FHL2: variants seen among roughly 807,000 people sequenced by gnomAD.
FHL2 encodes the protein four and a half LIM domains protein 2.
In FHL2, 20 loss-of-function variants were observed where a neutral mutation model predicts 32.7. That is an observed-to-expected ratio of 0.61 (90% confidence interval 0.43 to 0.89). The LOEUF (loss-of-function observed/expected upper bound fraction) is 0.89. Among genes scored for constraint, FHL2 ranks in the 40% least tolerant of loss-of-function variants. FHL2 has a pLI of 0.00. For synonymous variants in FHL2, 123 were observed against 128.1 expected (o/e 0.96, Z 0.27); for missense variants, 311 against 358.6 (o/e 0.87, Z 1.07).
At chr2:105,384,942 C>A (rs1448705521) in intron 3 of FHL2, among the ~76,000 whole-genome samples, 1 of 152,208 alleles carries the variant, frequency 6.6e-6, no homozygotes, top group African/African-American at 2.4e-5. Context: ...CATGCTTGTC[C>A]TGTTAAATAC....
rs568642064 is a variant in FHL2, at chr2:105,368,554, T to C, written c.332-815A>G. ...TAATTGCCTAAACCTACGCCATCCATTGTCTTTTGAATAACTATTAGCATT... is the reference window on the plus strand; with the variant it reads ...TAATTGCCTAAACCTACGCCATCCACTGTCTTTTGAATAACTATTAGCATT... On this transcript the variant is annotated intron_variant, in intron 4 of 6. Transcript: ENST00000530340. Among the ~76,000 whole-genome samples, 5 of 152,298 alleles carry C rather than the reference T, an allele frequency of 3.3e-5. No individual in the cohort carries two copies. In the East Asian group the frequency reaches 7.7e-4, roughly 24 times the overall value.
chr2:105,383,077 G>A (rs1352060221), intron 3 of FHL2, among the ~76,000 whole-genome samples: 3 of 152,154 alleles, frequency 2.0e-5, no homozygotes, highest in Admixed American at 6.5e-5. Context: ...GTAGAGACGG[G>A]GTTTCGCCAT....
chr2:105,363,135 A>G (rs111253201), intron 6 of FHL2, 150 bp downstream of exon 6: 10 of 674,080 alleles, frequency 1.5e-5, no homozygotes, highest in Non-Finnish European at 5.1e-6. Context: ...CACCAAGGAG[A>G]GGAAAGCAGA....
At chr2:105,410,751 C>T (rs1683764314) in intron 1 of FHL2, among the ~76,000 whole-genome samples, 1 of 152,080 alleles carries the variant, frequency 6.6e-6, no homozygotes, top group Non-Finnish European at 1.5e-5. Flanking sequence ...TGCTGGAGAC[C>T]TGAGGTGTCC....
intron 2 of FHL2, among the ~76,000 whole-genome samples, chr2:105,391,910 A>G (rs1201308541): frequency 6.6e-6 from 1 of 152,218 alleles, no homozygotes; most frequent in East Asian, 1.9e-4. Context: ...CATAAGGCGC[A>G]ACCCCTCCTT....
intron 2 of FHL2, among the ~76,000 whole-genome samples, chr2:105,392,287 A>G (rs1406819032): frequency 6.6e-6 from 1 of 152,202 alleles, no homozygotes; most frequent in Non-Finnish European, 1.5e-5. Flanking sequence ...AGCCTGGGCA[A>G]CATGGAGAAA....
intron 4 of FHL2, 47 bp downstream of exon 4, chr2:105,373,512 G>C: frequency 6.2e-7 from 1 of 1,607,582 alleles, no homozygotes; most frequent in Non-Finnish European, 8.5e-7. Flanking sequence ...CGTGCACAAG[G>C]CTTGAAGCTA....
intron 1 of FHL2, among the ~76,000 whole-genome samples, chr2:105,414,921 T>G (rs1683892269): frequency 6.6e-6 from 1 of 152,220 alleles, no homozygotes; most frequent in Admixed American, 6.5e-5. Flanking sequence ...TTTCACAATA[T>G]CACCAGCTTC....
intron 1 of FHL2, among the ~76,000 whole-genome samples, chr2:105,406,373 C>T (rs1435805343): frequency 6.6e-6 from 1 of 151,908 alleles, no homozygotes; most frequent in South Asian, 2.1e-4. Context: ...CATGGAGGGC[C>T]GGAGGGGTTC....
At position 105,360,950 on chromosome 2, in the gene FHL2, C is replaced by G. The variant is rs11537579; in HGVS notation, c.*333G>C. Reference sequence around the variant, plus strand: ...ATTGAGTTTAGAAAACTTTCAAGTTCGTGACATATGTTAATTGCACTTAAA... The same window carrying G: ...ATTGAGTTTAGAAAACTTTCAAGTTGGTGACATATGTTAATTGCACTTAAA... On this transcript the variant is annotated 3_prime_UTR_variant, in exon 7 of 7. Transcript: ENST00000530340. The G allele has an allele frequency of 5.3e-6, 1 of 189,184 alleles. No individual in the cohort carries two copies. Among genetic ancestry groups the G allele is most frequent in the Non-Finnish European group, 1.1e-5 (1 of 92,222 alleles). The allele number at this position is 189,184 out of a possible 1,614,324, so 11.7% of individuals were successfully genotyped here.
chr2:105,405,201 G>A (rs927241330), intron 1 of FHL2, among the ~76,000 whole-genome samples: 1 of 152,122 alleles, frequency 6.6e-6, no homozygotes, highest in Non-Finnish European at 1.5e-5. Context: ...TCACTTCTCT[G>A]CCTGCCTTCT....
At chr2:105,390,333 G>A (rs886155539) in intron 2 of FHL2, 2 of 152,536 alleles carry the variant, frequency 1.3e-5, no homozygotes, top group Admixed American at 6.5e-5. Flanking sequence ...CATGGTGAAT[G>A]TCATCATCAG....
chr2:105,397,773 A>G (rs1327696151), intron 1 of FHL2, among the ~76,000 whole-genome samples: 1 of 152,244 alleles, frequency 6.6e-6, no homozygotes, highest in Non-Finnish European at 1.5e-5. Context: ...AAAATTTTAT[A>G]TAAATGCACA....
At chr2:105,413,401 C>T (rs1683850563) in intron 1 of FHL2, among the ~76,000 whole-genome samples, 1 of 152,176 alleles carries the variant, frequency 6.6e-6, no homozygotes, top group Non-Finnish European at 1.5e-5. Context: ...CAGCACCGCT[C>T]CCTGGAGCTA....
intron 1 of FHL2, among the ~76,000 whole-genome samples, chr2:105,397,553 TGTGAGACGGTGAGCTAAA>T (rs368993409): frequency 0.011 from 1,751 of 152,286 alleles, 44 homozygotes; most frequent in African/African-American, 0.04. Flanking sequence ...TGTGGCTATT[TGTGAGACGGTGAGCTAAA>T]ATGAGACAGA....
At chr2:105,394,870 G>A (rs1683015197) in intron 2 of FHL2, among the ~76,000 whole-genome samples, 1 of 152,146 alleles carries the variant, frequency 6.6e-6, no homozygotes, top group South Asian at 2.1e-4. Flanking sequence ...ATCTCTGGTG[G>A]TTCTGCATGA....
At chr2:105,362,582 C>T (rs1339401257) in intron 6 of FHL2, among the ~76,000 whole-genome samples, 3 of 152,200 alleles carry the variant, frequency 2.0e-5, no homozygotes, top group Non-Finnish European at 4.4e-5. Flanking sequence ...TTGCAAATCC[C>T]ACATCATAAA....
upstream of FHL2, among the ~76,000 whole-genome samples, chr2:105,402,562 T>G (rs894624583): frequency 2.0e-5 from 3 of 152,114 alleles, no homozygotes; most frequent in South Asian, 6.2e-4. Context: ...TAAATATATT[T>G]TAAAAATAAA....
chr2:105,431,371 C>T (rs899686322), intron 1 of FHL2, among the ~76,000 whole-genome samples: 1 of 152,050 alleles, frequency 6.6e-6, no homozygotes, highest in Non-Finnish European at 1.5e-5. Flanking sequence ...GCAAGTGAAC[C>T]AGGGTAAGGA....
Sources: allele counts gnomAD v4.1 joint callset (sites outside exome capture counted in the v4.1 genomes callset), GRCh38; gene constraint gnomAD v4.1.1; transcripts MANE v1.5; gene names NCBI Gene and HGNC (gene_info 2026-07-23, HGNC 2026-07-21).